FAF1: variants seen among roughly 807,000 people sequenced by gnomAD.
FAF1 encodes the protein FAS-associated factor 1.
In FAF1, 25 loss-of-function variants were observed where a neutral mutation model predicts 92.5. The observed-to-expected ratio is 0.27, with a 90% CI of 0.20 to 0.38. The LOEUF (loss-of-function observed/expected upper bound fraction) is 0.38, where lower values mean the gene tolerates loss of function less well. FAF1 is among the 10% of genes least tolerant of loss of function. The pLI is 1.00. For missense variants in FAF1, 636 were observed against 793.3 expected, an observed-to-expected ratio of 0.80 and a Z score of 2.38; for synonymous variants, 234 against 273.2, an observed-to-expected ratio of 0.86 and a Z score of 1.42.
intron 2 of FAF1, among the ~76,000 whole-genome samples, chr1:50,835,978 A>T (rs1644197485): frequency 6.6e-6 from 1 of 152,078 alleles, no homozygotes; most frequent in Non-Finnish European, 1.5e-5. Flanking sequence ...CTTAGGAGGG[A>T]AGTCTGGGCA....
At chr1:50,867,921 C>T (rs1229426885) in intron 1 of FAF1, among the ~76,000 whole-genome samples, 1 of 152,064 alleles carries the variant, frequency 6.6e-6, no homozygotes, top group East Asian at 1.9e-4. Context: ...AAATATGGAA[C>T]CAGCCTAACT....
At chr1:50,930,134 A>G (rs529405114) in intron 1 of FAF1, among the ~76,000 whole-genome samples, 1 of 152,310 alleles carries the variant, frequency 6.6e-6, no homozygotes, top group Non-Finnish European at 1.5e-5. Flanking sequence ...CAAGAGAGGG[A>G]TATCTTTGAA....
intron 17 of FAF1, among the ~76,000 whole-genome samples, chr1:50,482,920 T>C (rs1161599713): frequency 1.3e-5 from 2 of 152,192 alleles, no homozygotes; most frequent in African/African-American, 4.8e-5. Context: ...TTTCCCCTTG[T>C]CTGTGGCTTG....
intron 7 of FAF1, among the ~76,000 whole-genome samples, chr1:50,687,114 C>A (rs1046383088): frequency 6.6e-6 from 1 of 152,148 alleles, no homozygotes; most frequent in Non-Finnish European, 1.5e-5. Context: ...TAGGAATAAG[C>A]CATGGTGCCC....
At chr1:50,713,510 G>A (rs937286177) in intron 6 of FAF1, among the ~76,000 whole-genome samples, 6 of 152,080 alleles carry the variant, frequency 3.9e-5, no homozygotes, top group African/African-American at 1.4e-4. Context: ...CTGATCTCAG[G>A]TGATCTGCCC....
At chr1:50,643,580 T>C (rs1382292575) in intron 8 of FAF1, among the ~76,000 whole-genome samples, 1 of 150,476 alleles carries the variant, frequency 6.6e-6, no homozygotes, top group Non-Finnish European at 1.5e-5. Flanking sequence ...AGTGTTACTT[T>C]GTTCTTTTAA....
chr1:50,524,722 C>T (rs1483610374), intron 15 of FAF1, among the ~76,000 whole-genome samples: 1 of 152,124 alleles, frequency 6.6e-6, no homozygotes, highest in Non-Finnish European at 1.5e-5. Context: ...TCTGAGTTTT[C>T]TATTCTGTTC....
intron 2 of FAF1, among the ~76,000 whole-genome samples, chr1:50,830,426 A>C (rs1353846780): frequency 2.0e-5 from 3 of 152,352 alleles, no homozygotes; most frequent in African/African-American, 4.8e-5. Flanking sequence ...GGTATCATTT[A>C]AGATACAGAG....
At chr1:50,548,356 T>C (rs1649134115) in intron 13 of FAF1, among the ~76,000 whole-genome samples, 1 of 152,270 alleles carries the variant, frequency 6.6e-6, no homozygotes, top group African/African-American at 2.4e-5. Context: ...GAGAACTTGA[T>C]GTTGTAAGGT....
In FAF1 at chr1:50,720,194, G is replaced by T. The variant is rs564227590; in HGVS notation, c.552-14303C>A. On this transcript the variant is annotated intron_variant, in intron 6 of 18. Transcript: ENST00000396153. Reference sequence around the variant, plus strand: ...TTTTTGTATTTTTAGTAGAGACGGGGGTTTGCCATGTTGGCCAGGCTAGTC... The same window carrying T: ...TTTTTGTATTTTTAGTAGAGACGGGTGTTTGCCATGTTGGCCAGGCTAGTC... 7.2e-4 allele frequency among the ~76,000 whole-genome samples: 110 copies of T among 152,100 alleles called. 2 individuals are homozygous for T. In the Middle Eastern group the frequency reaches 0.017, roughly 24 times the overall value.
chr1:50,592,317 TCAA>T (rs902562863), intron 9 of FAF1, among the ~76,000 whole-genome samples: 34 of 152,088 alleles, frequency 2.2e-4, no homozygotes, highest in African/African-American at 6.8e-4. Context: ...TTCTTCACTG[TCAA>T]CTGAGAACTG....
rs1644095028 is a variant in FAF1, at chr1:50,826,138, GA to G, written c.115-24462del. 4.6e-5 allele frequency among the ~76,000 whole-genome samples: 7 copies of G among 152,022 alleles called. No individual in the cohort carries two copies. In the South Asian group the frequency reaches 1.5e-3, roughly 32 times the overall value. On this transcript the variant is annotated intron_variant, in intron 2 of 18. Transcript: ENST00000396153. ...TGAAAGCAAATTAAAACCAAAGAAA[GA>G]AGAATTTAAATGTAAAGATAAATAC...
intron 6 of FAF1, among the ~76,000 whole-genome samples, chr1:50,721,946 G>T (rs928515526): frequency 2.0e-5 from 3 of 152,064 alleles, no homozygotes; most frequent in Admixed American, 2.0e-4. Flanking sequence ...CTGCTGCACT[G>T]CTAAAACCTC....
At chr1:50,731,378 T>C (rs987826576) in intron 6 of FAF1, among the ~76,000 whole-genome samples, 1 of 151,182 alleles carries the variant, frequency 6.6e-6, no homozygotes, top group African/African-American at 2.4e-5. Context: ...TTCTCTTTTT[T>C]TTTTTTTTTT....
intron 9 of FAF1, 151 bp downstream of exon 9, chr1:50,595,970 A>T: frequency 1.7e-6 from 1 of 601,938 alleles, no homozygotes; most frequent in Non-Finnish European, 3.0e-6. Flanking sequence ...CCTTGCATGG[A>T]CAGTTTCTGC....
chr1:50,723,779 G>A (rs563173661), intron 6 of FAF1, among the ~76,000 whole-genome samples: 14 of 151,396 alleles, frequency 9.2e-5, no homozygotes, highest in Non-Finnish European at 1.5e-4. Flanking sequence ...ACTGAGTTTC[G>A]CTCAGGTTGC....
At chr1:50,951,980 G>C (rs951817476) in intron 1 of FAF1, among the ~76,000 whole-genome samples, 12 of 152,160 alleles carry the variant, frequency 7.9e-5, no homozygotes, top group African/African-American at 2.9e-4. Context: ...GTCACTCAAC[G>C]TAAGTGACTT....
At chr1:50,878,600 C>T (rs761484706) in intron 1 of FAF1, among the ~76,000 whole-genome samples, 3 of 152,132 alleles carry the variant, frequency 2.0e-5, no homozygotes, top group Admixed American at 1.3e-4. Context: ...ACCATAAAAC[C>T]CTTACACATT....
intron 8 of FAF1, among the ~76,000 whole-genome samples, chr1:50,622,075 A>T (rs1171480589): frequency 6.6e-6 from 1 of 151,902 alleles, no homozygotes; most frequent in Non-Finnish European, 1.5e-5. Flanking sequence ...CTGAGGCAGG[A>T]AATCACTTGA....
Sources: allele counts gnomAD v4.1 joint callset (sites outside exome capture counted in the v4.1 genomes callset), GRCh38; gene constraint gnomAD v4.1.1; transcripts MANE v1.5; gene names NCBI Gene and HGNC (gene_info 2026-07-23, HGNC 2026-07-21).